ITGB3BP: variants seen among roughly 807,000 people sequenced by gnomAD.
The protein encoded by ITGB3BP is integrin subunit beta 3 binding protein, also known as centromere protein R.
ITGB3BP carries 27 observed loss-of-function variants against 29.1 expected under a neutral mutation model. The ratio of observed to expected loss-of-function variants is 0.93; its 90% CI spans 0.68 to 1.28. The LOEUF is 1.28. Ranked by LOEUF, ITGB3BP falls within the 50% of genes most tolerant of loss-of-function variation. The pLI, the probability that ITGB3BP is intolerant of heterozygous loss-of-function variation, is 0.00. For synonymous variants in ITGB3BP, 61 were observed against 61.4 expected, an observed-to-expected ratio of 0.99 and a Z score of 0.03; for missense variants, 192 against 200.2, an observed-to-expected ratio of 0.96 and a Z score of 0.25.
intron 3 of ITGB3BP, among the ~76,000 whole-genome samples, chr1:63,485,478 A>T (rs1222705938): frequency 6.9e-6 from 1 of 145,706 alleles, no homozygotes; most frequent in Admixed American, 6.9e-5. Flanking sequence ...CTGCCCTCCA[A>T]TTTTTTTTTC....
chr1:63,495,272 C>A (rs561405411), intron 2 of ITGB3BP, among the ~76,000 whole-genome samples: 1 of 152,156 alleles, frequency 6.6e-6, no homozygotes, highest in East Asian at 1.9e-4. Context: ...AATGAATTGA[C>A]CCAGTATTTT....
intron 2 of ITGB3BP, among the ~76,000 whole-genome samples, chr1:63,499,866 ACT>A (rs1557644993): frequency 6.6e-6 from 1 of 152,164 alleles, no homozygotes; most frequent in African/African-American, 2.4e-5. Flanking sequence ...TGTATGAAAA[ACT>A]CAGAGCTAAC....
At chr1:63,499,906 T>C (rs1645882503) in intron 2 of ITGB3BP, among the ~76,000 whole-genome samples, 1 of 152,210 alleles carries the variant, frequency 6.6e-6, no homozygotes, top group African/African-American at 2.4e-5. Context: ...AAGACTGGAT[T>C]CTTTCCCTCT....
chr1:63,519,258 T>A (rs921235628), intron 1 of ITGB3BP, among the ~76,000 whole-genome samples: 1 of 152,152 alleles, frequency 6.6e-6, no homozygotes, highest in East Asian at 1.9e-4. Context: ...TTAAATTAAC[T>A]TATAGTTGGG....
chr1:63,476,226 C>T (rs557645830), intron 4 of ITGB3BP, among the ~76,000 whole-genome samples: 6 of 151,384 alleles, frequency 4.0e-5, no homozygotes, highest in Non-Finnish European at 5.9e-5. Flanking sequence ...TACAGTGGCA[C>T]GATATCAACT....
At position 63,485,808 on chromosome 1, in the gene ITGB3BP, T is replaced by C. The variant is rs192123066; in HGVS notation, c.184+4275A>G. Among the ~76,000 whole-genome samples the C allele has an allele frequency of 1.5e-3, 221 of 152,186 alleles. 2 individuals are homozygous for C. The highest frequency in any genetic ancestry group is 5.2e-3 in the African/African-American group (216 of 41,570). On this transcript the variant is annotated intron_variant, in intron 3 of 8. Transcript: ENST00000271002. ...TGATATAGATAAGTTTATCAGTCTG[T>C]TACTCTCTTGTAGGTACTATCTTTT...
rs775348022 is a variant in ITGB3BP at position 63,446,862 on chromosome 1, T to C, written c.485-6A>G. ...GCTGTCAAGATGACGTGATGCTATA[T>C]GAAAGAAGAAAGGTTTTTTTTTTCA... On this transcript the variant is annotated splice_polypyrimidine_tract_variant and splice_region_variant and intron_variant, in intron 7 of 8. Transcript: ENST00000271002. The C allele has an allele frequency of 6.2e-7, 1 of 1,605,178 alleles. No individual in the cohort carries two copies. Among genetic ancestry groups the C allele is most frequent in the Non-Finnish European group, 8.5e-7 (1 of 1,174,600 alleles).
rs1489930063 is a variant in ITGB3BP at position 63,454,606 on chromosome 1, C to T, written c.334-133G>A. On this transcript the variant is annotated intron_variant, in intron 5 of 8. Coordinates refer to ENST00000271002, the MANE Select transcript of ITGB3BP (RefSeq NM_014288.5). This position sits in a 1 kb window ranked among gnomAD's most constrained non-coding sequence, Gnocchi z 4.1. Reference sequence around the variant, plus strand: ...TTTATGTTAGGATATTTAACTGTTTCTGGCAGGCCAACTATTTCAAGCCCA... The same window carrying T: ...TTTATGTTAGGATATTTAACTGTTTTTGGCAGGCCAACTATTTCAAGCCCA... 1.0e-5 allele frequency: 5 copies of T among 487,474 alleles called. No homozygotes were observed. Among genetic ancestry groups the T allele is most frequent in the Non-Finnish European group, 1.8e-5 (5 of 273,254 alleles). The allele number at this position is 487,474 out of a possible 1,614,324, so 30.2% of individuals were successfully genotyped here.
At chr1:63,525,779 A>G, upstream of ITGB3BP, 1 of 1,489,842 alleles carries the variant, frequency 6.7e-7, no homozygotes, top group Non-Finnish European at 9.0e-7. Flanking sequence ...TAAAATTTTT[A>G]AATCTTTCAC....
intron 2 of ITGB3BP, among the ~76,000 whole-genome samples, chr1:63,508,129 AT>A (rs1309370896): frequency 6.6e-6 from 1 of 152,192 alleles, no homozygotes; most frequent in Non-Finnish European, 1.5e-5. Flanking sequence ...CATTTTTGAT[AT>A]AAAAATGCTA....
At chr1:63,455,574 C>G (rs1052937690) in intron 4 of ITGB3BP, among the ~76,000 whole-genome samples, 8 of 152,082 alleles carry the variant, frequency 5.3e-5, no homozygotes. Context: ...CCTCCCAAAG[C>G]ACTGTGATTA....
At chr1:63,492,731 T>A (rs1323972320) in intron 2 of ITGB3BP, among the ~76,000 whole-genome samples, 1 of 148,550 alleles carries the variant, frequency 6.7e-6, no homozygotes, top group East Asian at 2.0e-4. Flanking sequence ...GAGGGCTAGA[T>A]TTGGCTAGAA....
chr1:63,497,417 T>C (rs1388900122), intron 2 of ITGB3BP, among the ~76,000 whole-genome samples: 1 of 152,184 alleles, frequency 6.6e-6, no homozygotes, highest in Non-Finnish European at 1.5e-5. Context: ...CTGTCCTGCA[T>C]TGTTGCAGTA....
chr1:63,524,533 G>C (rs1033092580), upstream of ITGB3BP, among the ~76,000 whole-genome samples: 2 of 152,212 alleles, frequency 1.3e-5, no homozygotes, highest in African/African-American at 4.8e-5. Context: ...GGAATGCAAT[G>C]AGTCCTGAAG....
chr1:63,463,700 A>G (rs866655036), intron 4 of ITGB3BP, among the ~76,000 whole-genome samples: 4 of 152,236 alleles, frequency 2.6e-5, no homozygotes, highest in South Asian at 4.1e-4. Flanking sequence ...AACATAAAGG[A>G]TATGGAAGTT....
intron 4 of ITGB3BP, 85 bp downstream of exon 4, chr1:63,478,679 T>C: frequency 1.5e-6 from 1 of 661,658 alleles, no homozygotes; most frequent in East Asian, 3.0e-5. Flanking sequence ...TTTCTACAAA[T>C]AAATGCTTTT....
chr1:63,447,890 T>C, intron 7 of ITGB3BP: 1 of 254,844 alleles, frequency 3.9e-6, no homozygotes, highest in South Asian at 4.5e-5. Context: ...GTATGTTTAT[T>C]GCGGCACTAT....
chr1:63,446,491 A>G (rs1409981325), intron 8 of ITGB3BP: 1 of 267,300 alleles, frequency 3.7e-6, no homozygotes, highest in African/African-American at 2.2e-5. Context: ...TAGCTAGTCT[A>G]TTTAGCTATT....
At chr1:63,512,631 T>C (rs1484669287) in intron 1 of ITGB3BP, among the ~76,000 whole-genome samples, 1 of 152,142 alleles carries the variant, frequency 6.6e-6, no homozygotes, top group Non-Finnish European at 1.5e-5. Flanking sequence ...TTCCCTAAGG[T>C]TGGGCAAATC....
Sources: gnomAD v4.1 joint callset for allele counts (sites outside exome capture counted in the v4.1 genomes callset) on GRCh38, gnomAD v4.1.1 for gene constraint, Gnocchi (gnomAD v3.1) non-coding constraint, MANE v1.5 for transcripts, NCBI Gene and HGNC (gene_info 2026-07-23, HGNC 2026-07-21) for gene names.